The following WIPI2 variants were observed in gnomAD, a reference collection of about 807,000 sequenced individuals.
WIPI2 encodes the protein WD repeat domain phosphoinositide-interacting protein 2.
Under a neutral mutation model 52.3 loss-of-function variants are expected in WIPI2, and 28 were observed. The ratio of observed to expected loss-of-function variants is 0.54; its 90% CI spans 0.40 to 0.73. WIPI2 has a LOEUF of 0.73. Ranked by LOEUF, WIPI2 falls within the 30% of genes least tolerant of loss-of-function variation. WIPI2 has a pLI of 0.00. For missense variants in WIPI2, 506 were observed against 602.9 expected (o/e 0.84, Z 1.68); for synonymous variants, 268 against 245.0 (o/e 1.09, Z -0.88).
In WIPI2 at chr7:5,227,481, G is replaced by A; in HGVS notation, c.1013+137G>A. The A allele has an allele frequency of 8.1e-7, 1 of 1,239,128 alleles. No individual in the cohort carries two copies. Among genetic ancestry groups the A allele is most frequent in the Non-Finnish European group, 1.1e-6 (1 of 914,458 alleles). 76.8% of individuals were successfully genotyped at this position (1,239,128 alleles called of 1,614,324 possible). On this transcript the variant is annotated intron_variant, in intron 10 of 12. Coordinates refer to ENST00000288828, the MANE Select transcript of WIPI2 (RefSeq NM_015610.4). The surrounding 1 kb of genome is among the most constrained non-coding windows in gnomAD (Gnocchi z 8.1). The stretch of plus-strand genomic sequence containing the variant: ...GCCGACACTCCATCGAGAGTTGTCG[G>A]GGATGGGAGGTCCCCTGGCAGGCAC...
chr7:5,232,938 AT>A lies in WIPI2; in HGVS notation c.*1993del, dbSNP rs1783796925. 2 of 152,224 alleles carry A rather than the reference AT, an allele frequency of 1.3e-5. No homozygotes were observed. The highest frequency in any genetic ancestry group is 4.1e-4 in the South Asian group (2 of 4,834). 9.4% of individuals were successfully genotyped at this position (152,224 alleles called of 1,614,324 possible). A position where few individuals can be genotyped will look rare whatever the true frequency, so the allele number is the denominator to read the frequency against. On this transcript the variant is annotated 3_prime_UTR_variant, in exon 13 of 13. Coordinates refer to ENST00000288828, the MANE Select transcript of WIPI2 (RefSeq NM_015610.4). ...ATTGGTAGTATAGAAGATGCTGGGA[AT>A]TGTCTTCCTCGCTCAGCCTCGGCTT...
At chr7:5,218,124 G>A in intron 7 of WIPI2, 110 bp downstream of exon 7, 1 of 1,201,222 alleles carries the variant, frequency 8.3e-7, no homozygotes, top group South Asian at 1.3e-5. Context: ...ACCAGCTCCG[G>A]GAGAAGCAAA....
intron 2 of WIPI2, among the ~76,000 whole-genome samples, chr7:5,197,125 A>AGTT (rs1781788176): frequency 6.8e-6 from 1 of 147,448 alleles, no homozygotes; most frequent in Non-Finnish European, 1.5e-5. Context: ...AAACAAAAAA[A>AGTT]AAAAAAAAAA....
rs1783414262 is a variant in WIPI2, at chr7:5,226,049, C to T, written c.848+119C>T. On this transcript the variant is annotated intron_variant, in intron 9 of 12. Transcript: ENST00000288828. ...CTCTGACATCGTTAGCCAGTGAAGA[C>T]CCCGGAGCTGGCCATGGAGCGAGCA... 6.9e-6 allele frequency: 7 copies of T among 1,009,580 alleles called. No homozygotes were observed. In the East Asian group the frequency reaches 1.0e-4, roughly 15 times the overall value. The allele number at this position is 1,009,580 out of a possible 1,614,324, so 62.5% of individuals were successfully genotyped here. A position where few individuals can be genotyped will look rare whatever the true frequency, so the allele number is the denominator to read the frequency against.
chr7:5,223,481 C>T (rs770981334), intron 8 of WIPI2, among the ~76,000 whole-genome samples: 7 of 152,286 alleles, frequency 4.6e-5, no homozygotes, highest in African/African-American at 1.4e-4. Flanking sequence ...GTCACCGCTC[C>T]TCCAGCTCCT....
At chr7:5,193,373 A>T (rs1465091197) in intron 2 of WIPI2, 2 of 1,360,228 alleles carry the variant, frequency 1.5e-6, no homozygotes, top group Non-Finnish European at 9.6e-7. Flanking sequence ...GTCTGTTTTA[A>T]ATGCCATGTC....
intron 11 of WIPI2, among the ~76,000 whole-genome samples, chr7:5,228,733 A>C (rs57418885): frequency 6.6e-6 from 1 of 152,198 alleles, no homozygotes; most frequent in Non-Finnish European, 1.5e-5. Context: ...CTAACAACAT[A>C]TAATTTTTTA....
rs1339507982 is a variant in WIPI2, at chr7:5,190,296, C to T, written c.-124C>T. The T allele has an allele frequency of 7.5e-6, 4 of 530,606 alleles. No homozygotes were observed. The highest frequency in any genetic ancestry group is 1.1e-5 in the Non-Finnish European group (4 of 363,282). 32.9% of individuals were successfully genotyped at this position (530,606 alleles called of 1,614,324 possible). The stretch of plus-strand genomic sequence containing the variant: ...GGGACGGGATGAGGCGGCGGTTGAT[C>T]CCAGGGTGGCGAGTGGCGGCGACCG... On this transcript the variant is annotated 5_prime_UTR_variant, in exon 1 of 13. Transcript: ENST00000288828.
rs1783792756 is a variant in WIPI2, at chr7:5,232,867, G to A, written c.*1920G>A. Reference sequence around the variant, plus strand: ...TGGTGCCTGCCTGTGGTGGTGATTTGGAGACTCAAATTTCCTTTGCCAGGT... The same window carrying A: ...TGGTGCCTGCCTGTGGTGGTGATTTAGAGACTCAAATTTCCTTTGCCAGGT... On this transcript the variant is annotated 3_prime_UTR_variant, in exon 13 of 13. Transcript: ENST00000288828. The A allele has an allele frequency of 6.6e-6, 1 of 152,444 alleles. No individual in the cohort carries two copies. The highest frequency in any genetic ancestry group is 1.5e-5 in the Non-Finnish European group (1 of 68,200). 9.4% of individuals were successfully genotyped at this position (152,444 alleles called of 1,614,324 possible). A position where few individuals can be genotyped will look rare whatever the true frequency, so the allele number is the denominator to read the frequency against.
intron 11 of WIPI2, among the ~76,000 whole-genome samples, chr7:5,229,091 C>A (rs1182817000): frequency 6.6e-6 from 1 of 152,206 alleles, no homozygotes; most frequent in Non-Finnish European, 1.5e-5. Flanking sequence ...TCTCGGCTCA[C>A]TGCAATCTCC....
chr7:5,201,986 C>T (rs1309971622), intron 3 of WIPI2, among the ~76,000 whole-genome samples: 2 of 151,544 alleles, frequency 1.3e-5, no homozygotes, highest in South Asian at 2.1e-4. Context: ...CTCTAGAAAA[C>T]AGGTTAGCTA....
At chr7:5,199,097 C>G (rs529692967) in intron 2 of WIPI2, among the ~76,000 whole-genome samples, 1 of 152,294 alleles carries the variant, frequency 6.6e-6, no homozygotes, top group East Asian at 1.9e-4. Flanking sequence ...AATCTTAGCT[C>G]ACTGCAGCCT....
intron 1 of WIPI2, among the ~76,000 whole-genome samples, chr7:5,191,622 TGA>T (rs1781489068): frequency 6.6e-6 from 1 of 151,246 alleles, no homozygotes; most frequent in South Asian, 2.1e-4. Flanking sequence ...GAGAGAAGGG[TGA>T]GTTATGGGGT....
chr7:5,202,906 A>T (rs1031521622), intron 3 of WIPI2, among the ~76,000 whole-genome samples: 22 of 152,252 alleles, frequency 1.4e-4, no homozygotes, highest in Non-Finnish European at 7.3e-5. Flanking sequence ...AAAGATCACA[A>T]AAGTTTAGAA....
At position 5,227,465 on chromosome 7, in the gene WIPI2, C is replaced by T; in HGVS notation, c.1013+121C>T. 3 of 1,357,074 alleles carry T rather than the reference C, an allele frequency of 2.2e-6. No homozygotes were observed. The highest frequency in any genetic ancestry group is 3.0e-6 in the Non-Finnish European group (3 of 1,014,464). 84.1% of individuals were successfully genotyped at this position (1,357,074 alleles called of 1,614,324 possible). A position where few individuals can be genotyped will look rare whatever the true frequency, so the allele number is the denominator to read the frequency against. ...GGAGCAGCTTCTTAGAGCCGACACT[C>T]CATCGAGAGTTGTCGGGGATGGGAG... On this transcript the variant is annotated intron_variant, in intron 10 of 12. Transcript: ENST00000288828. The surrounding 1 kb of genome is among the most constrained non-coding windows in gnomAD (Gnocchi z 8.1).
intron 2 of WIPI2, among the ~76,000 whole-genome samples, chr7:5,196,421 A>G (rs997313624): frequency 1.3e-5 from 2 of 152,200 alleles, no homozygotes; most frequent in African/African-American, 4.8e-5. Context: ...CTCAAAAAAT[A>G]TTTGGAATAT....
chr7:5,201,086 G>A (rs191363729), intron 3 of WIPI2, among the ~76,000 whole-genome samples: 9 of 152,356 alleles, frequency 5.9e-5, no homozygotes, highest in Admixed American at 3.9e-4. Context: ...GGCGCCGCCC[G>A]CCTTCCTGAA....
At chr7:5,190,627 C>G (rs1054931484) in intron 1 of WIPI2, 134 bp downstream of exon 1, 9 of 902,372 alleles carry the variant, frequency 1.0e-5, no homozygotes, top group African/African-American at 1.8e-5. Context: ...AGAGGCGTCC[C>G]CAGGGGCGGG....
At chr7:5,217,289 AC>A in intron 6 of WIPI2, 102 bp downstream of exon 6, 1 of 1,187,158 alleles carries the variant, frequency 8.4e-7, no homozygotes, top group South Asian at 1.3e-5. Flanking sequence ...CAGCAATACA[AC>A]CGCTGCACTT....
Sources: gnomAD v4.1 joint callset for allele counts (sites outside exome capture counted in the v4.1 genomes callset) on GRCh38, gnomAD v4.1.1 for gene constraint, Gnocchi (gnomAD v3.1) non-coding constraint, MANE v1.5 for transcripts, NCBI Gene and HGNC (gene_info 2026-07-23, HGNC 2026-07-21) for gene names.